RNF213: variants seen among roughly 807,000 people sequenced by gnomAD.
The protein encoded by RNF213 is ring finger protein 213, also known as E3 ubiquitin-protein ligase RNF213.
Under a neutral mutation model 514.4 loss-of-function variants are expected in RNF213, and 341 were observed. The observed-to-expected ratio is 0.66, with a 90% CI of 0.61 to 0.73. The LOEUF (loss-of-function observed/expected upper bound fraction) is 0.73, where lower values mean the gene tolerates loss of function less well. Ranked by LOEUF, RNF213 falls within the 30% of genes least tolerant of loss-of-function variation. RNF213 has a pLI of 0.00. For missense variants in RNF213, 5,767 were observed against 6,615.6 expected (o/e 0.87, Z 4.45); for synonymous variants, 2,655 against 2,658.2 (o/e 1.00, Z 0.04).
chr17:80,287,685 A>T, intron 3 of RNF213, 130 bp from the exon 4 acceptor site: 4 of 663,622 alleles, frequency 6.0e-6, no homozygotes, highest in Admixed American at 2.4e-5. Context: ...TTGCAGATTT[A>T]ACAGATGTTA....
chr17:80,328,496 G>T lies in RNF213; in HGVS notation c.3517+19G>T. On this transcript the variant is annotated intron_variant, in intron 20 of 67. Coordinates refer to ENST00000582970, the MANE Select transcript of RNF213 (RefSeq NM_001256071.3). Reference sequence around the variant, plus strand: ...ATACAAGGTGGTATTCCTGAGAAGTGAACAAAGTTGAGGGCTCTCAAAGGG... The same window carrying T: ...ATACAAGGTGGTATTCCTGAGAAGTTAACAAAGTTGAGGGCTCTCAAAGGG... 3 of 1,537,060 alleles carry T rather than the reference G, an allele frequency of 2.0e-6. No individual in the cohort carries two copies. Among genetic ancestry groups the T allele is most frequent in the South Asian group, 2.4e-5 (2 of 83,990 alleles).
chr17:80,372,756 T>C (rs972502582), intron 48 of RNF213, 22 bp downstream of exon 48: 3 of 1,608,896 alleles, frequency 1.9e-6, no homozygotes, highest in Non-Finnish European at 2.5e-6. Context: ...CTGCCTTGCT[T>C]TCCTTTGGGT....
rs201029318 is a variant in RNF213 at position 80,363,677 on chromosome 17, C to T, written c.11637C>T (p.Pro3879=). The T allele has an allele frequency of 1.1e-4, 181 of 1,613,994 alleles. No homozygotes were observed. The highest frequency in any genetic ancestry group is 1.4e-4 in the Non-Finnish European group (167 of 1,180,014). ...CAAGAAACACCCTGAAGCCCAGTCC[C>T]CAGGCGTGGCTACAGTTGGTGAAGA... The part of the protein sequence containing the change: ...MLTRNTLKPS[P]QAWLQLVKNL... The change falls in exon 41 of 68, where the codon CCC becomes CCT. Residue 3879 remains proline (P), a synonymous_variant. Coordinates refer to ENST00000582970, the MANE Select transcript of RNF213 (RefSeq NM_001256071.3).
At chr17:80,285,918 C>T (rs542081138) in intron 3 of RNF213, among the ~76,000 whole-genome samples, 9 of 152,224 alleles carry the variant, frequency 5.9e-5, no homozygotes, top group Non-Finnish European at 8.8e-5. Context: ...TCCAGTGATC[C>T]GCCTGCCTCG....
chr17:80,372,136 C>T, intron 47 of RNF213, 151 bp downstream of exon 47: 2 of 669,456 alleles, frequency 3.0e-6, no homozygotes, highest in East Asian at 2.7e-5. Context: ...CGGCTTCTGC[C>T]TTCAGCAACG....
intron 20 of RNF213, 73 bp downstream of exon 20, chr17:80,328,550 A>C: frequency 7.0e-7 from 1 of 1,418,474 alleles, no homozygotes; most frequent in Non-Finnish European, 9.4e-7. Context: ...AGAATGGATC[A>C]CAGTAGCAGA....
intron 3 of RNF213, among the ~76,000 whole-genome samples, chr17:80,286,543 C>T (rs547778696): frequency 3.0e-4 from 46 of 152,176 alleles, no homozygotes; most frequent in African/African-American, 9.9e-4. Flanking sequence ...GACCGTCAGC[C>T]GAGGGGCTCC....
At chr17:80,284,872 C>T (rs2044418448) in intron 3 of RNF213, among the ~76,000 whole-genome samples, 1 of 152,208 alleles carries the variant, frequency 6.6e-6, no homozygotes, top group African/African-American at 2.4e-5. Context: ...CCTCAAATCT[C>T]ATTGGCTCTG....
chr17:80,322,147 C>A, intron 17 of RNF213, among the ~76,000 whole-genome samples: 1 of 48,070 alleles, frequency 2.1e-5, no homozygotes, highest in East Asian at 4.6e-4. Flanking sequence ...GCCCCTCATC[C>A]CCCCCACCCC....
chr17:80,318,768 T>G (rs1599013413), intron 16 of RNF213, among the ~76,000 whole-genome samples: 1 of 151,448 alleles, frequency 6.6e-6, no homozygotes, highest in Non-Finnish European at 1.5e-5. Context: ...AGAGACGGGG[T>G]TTCACCGTGT....
intron 20 of RNF213, among the ~76,000 whole-genome samples, chr17:80,330,899 C>T (rs1259731767): frequency 6.6e-6 from 1 of 152,136 alleles, no homozygotes; most frequent in East Asian, 1.9e-4. Flanking sequence ...CTCACTGCAA[C>T]CTCTGCTTCC....
intron 25 of RNF213, 117 bp from the exon 26 acceptor site, chr17:80,339,084 T>TTAAAAAAAAG: frequency 1.3e-6 from 1 of 761,652 alleles, no homozygotes; most frequent in Non-Finnish European, 2.0e-6. Context: ...GCGCAGATCA[T>TTAAAAAAAAG]GCAGTGGGCC....
Position 80,264,399 on chromosome 17 carries a change from CGG to C in RNF213, c.97+623_97+624del, listed in dbSNP as rs2043536773. 6.6e-6 allele frequency among the ~76,000 whole-genome samples: 1 copy of C among 152,114 alleles called. No homozygotes were observed. Among genetic ancestry groups the C allele is most frequent in the Non-Finnish European group, 1.5e-5 (1 of 68,016 alleles). On this transcript the variant is annotated intron_variant, in intron 2 of 67. Coordinates refer to ENST00000582970, the MANE Select transcript of RNF213 (RefSeq NM_001256071.3). The surrounding 1 kb of genome is among the most constrained non-coding windows in gnomAD (Gnocchi z 5.0). ...GAGACAGGAGCGGGGCAGTGTCAGG[CGG>C]GCCTTGCCTGCTGAGCATCTTGAGT... is the stretch of plus-strand genomic sequence containing the variant.
rs1044295020 is a variant in RNF213 at position 80,311,106 on chromosome 17, C to T, written c.2656-1906C>T. Among the ~76,000 whole-genome samples the T allele has an allele frequency of 2.0e-4, 30 of 152,266 alleles. No individual in the cohort carries two copies. In the East Asian group the frequency reaches 2.5e-3, roughly 13 times the overall value. On this transcript the variant is annotated intron_variant, in intron 14 of 67. Transcript: ENST00000582970. ...TCAGTTACTTAGGATTTATTTTCTA[C>T]AGAAATAACTATCTTAAATGTTGGC...
rs1388256809 is a variant in RNF213 at position 80,314,079 on chromosome 17, G to GTGAAGGTGATGGTGGAGGTAC, written c.2811+914_2811+915insAAGGTGATGGTGGAGGTACTG. Among the ~76,000 whole-genome samples, 22 of 95,516 alleles carry GTGAAGGTGATGGTGGAGGTAC rather than the reference G, an allele frequency of 2.3e-4. 1 individual carries two copies. The highest frequency in any genetic ancestry group is 3.0e-4 in the Non-Finnish European group (14 of 47,064). The allele number at this position is 95,516 out of a possible 152,430, so 62.7% of individuals were successfully genotyped here. A position where few individuals can be genotyped will look rare whatever the true frequency, so the allele number is the denominator to read the frequency against. ...GGAGGTAATGGAGGTGATGGTGGTG[G>GTGAAGGTGATGGTGGAGGTAC]TGGAGGTGATGGTGGAGGTACTGGA... is the stretch of plus-strand genomic sequence containing the variant. On this transcript the variant is annotated intron_variant, in intron 15 of 67. Transcript: ENST00000582970.
At chr17:80,261,447 C>T (rs1055285335) in intron 1 of RNF213, among the ~76,000 whole-genome samples, 1 of 152,116 alleles carries the variant, frequency 6.6e-6, no homozygotes, top group African/African-American at 2.4e-5. Flanking sequence ...CCAGGGTGGG[C>T]ACCCCTCCCG....
In RNF213 at chr17:80,348,141, G is replaced by A. The variant is rs377303933; in HGVS notation, c.9806G>A (p.Arg3269Gln). Residue 3269 changes from arginine to glutamine, a missense_variant, in exon 29 of 68, where the codon CGG becomes CAG. By Grantham distance (43) the Arg-to-Gln change is conservative. Coordinates refer to ENST00000582970, the MANE Select transcript of RNF213 (RefSeq NM_001256071.3). ...TGCGCTACGCCCGATGCCGTGGTCC[G>A]GCTGAGCGCCTACTCGCTGGGCGGG... ...LNCATPDAVVRLSAYSLGGFA... is the reference protein window; with the variant it reads ...LNCATPDAVVQLSAYSLGGFA... 1.9e-5 allele frequency: 31 copies of A among 1,613,956 alleles called. No homozygotes were observed. The highest frequency in any genetic ancestry group is 2.5e-5 in the Non-Finnish European group (30 of 1,180,058).
chr17:80,352,574 C>T (rs1178383817), intron 32 of RNF213: 4 of 541,872 alleles, frequency 7.4e-6, no homozygotes, highest in African/African-American at 3.8e-5. Context: ...TGAATAATTT[C>T]GTGGAGAATG....
chr17:80,390,022 G>C lies in RNF213; in HGVS notation c.15296G>C (p.Gly5099Ala). 6.2e-7 allele frequency: 1 copy of C among 1,614,174 alleles called. No homozygotes were observed. Among genetic ancestry groups the C allele is most frequent in the Non-Finnish European group, 8.5e-7 (1 of 1,180,036 alleles). Residue 5099 changes from glycine to alanine, a missense_variant, in exon 67 of 68, where the codon GGG becomes GCG. Physicochemically the swap from Gly to Ala is moderately conservative, Grantham distance 60 (BLOSUM62 0). Around this residue, in one of 13 missense-constraint regions of RNF213, gnomAD observed 1,245 missense variants for 1,339.0 expected, o/e 0.93. Transcript: ENST00000582970. ...QLLRLHKEPF[G>A]EISSRYKADL... ...CTTCCGTCGTTTTAGGAGCCATTTG[G>C]GGAAATCAGTTCAAGGTACAAAGCG...
Sources: gnomAD v4.1 joint callset for allele counts (sites outside exome capture counted in the v4.1 genomes callset) on GRCh38, gnomAD v4.1.1 for gene constraint, gnomAD v4.1.1 regional missense constraint, Gnocchi (gnomAD v3.1) non-coding constraint, MANE v1.5 for transcripts, NCBI Gene and HGNC (gene_info 2026-07-23, HGNC 2026-07-21) for gene names.